PCSK2: variants seen among roughly 807,000 people sequenced by gnomAD.
The protein encoded by PCSK2 is neuroendocrine convertase 2.
Under a neutral mutation model 69.7 loss-of-function variants are expected in PCSK2, and 14 were observed. The observed-to-expected ratio is 0.20, with a 90% CI of 0.13 to 0.31. PCSK2 has a LOEUF of 0.31. Among genes scored for constraint, PCSK2 ranks in the 10% least tolerant of loss-of-function variants. The probability of loss-of-function intolerance (pLI) is 1.00; values close to 1 mark genes in which losing one functional copy is unlikely to be tolerated. For missense variants in PCSK2, 544 were observed against 842.5 expected (o/e 0.65, Z 4.39); for synonymous variants, 307 against 320.7 (o/e 0.96, Z 0.46).
chr20:17,284,151 G>C (rs1053606892), intron 2 of PCSK2, among the ~76,000 whole-genome samples: 4 of 152,164 alleles, frequency 2.6e-5, no homozygotes, highest in Non-Finnish European at 4.4e-5. Context: ...GTGTGAGATG[G>C]CCCAGAAAGG....
intron 10 of PCSK2, among the ~76,000 whole-genome samples, chr20:17,460,408 A>G (rs1488061037): frequency 6.6e-6 from 1 of 152,184 alleles, no homozygotes; most frequent in African/African-American, 2.4e-5. Flanking sequence ...CCACACTTCA[A>G]GGGAGGCTGG....
At chr20:17,319,418 C>G (rs1015771504) in intron 2 of PCSK2, among the ~76,000 whole-genome samples, 3 of 152,160 alleles carry the variant, frequency 2.0e-5, no homozygotes, top group Non-Finnish European at 2.9e-5. Context: ...CGGCCTCACT[C>G]ACATTTCTGG....
At chr20:17,238,549 CT>C (rs1328611411) in intron 1 of PCSK2, among the ~76,000 whole-genome samples, 2 of 152,202 alleles carry the variant, frequency 1.3e-5, no homozygotes, top group East Asian at 3.9e-4. Context: ...GCATTTGAGC[CT>C]TGTTGCTCAT....
intron 1 of PCSK2, among the ~76,000 whole-genome samples, chr20:17,259,739 C>T (rs1391611762): frequency 6.6e-6 from 1 of 152,160 alleles, no homozygotes; most frequent in Non-Finnish European, 1.5e-5. Context: ...ACACTGTGCT[C>T]AGCCTGATAA....
intron 5 of PCSK2, among the ~76,000 whole-genome samples, chr20:17,406,060 A>C (rs2031743823): frequency 6.6e-6 from 1 of 152,244 alleles, no homozygotes; most frequent in South Asian, 2.1e-4. Flanking sequence ...AGAAGTCCAA[A>C]CAAAGCAAGC....
At chr20:17,471,988 T>G (rs1457227238) in intron 11 of PCSK2, among the ~76,000 whole-genome samples, 1 of 152,074 alleles carries the variant, frequency 6.6e-6, no homozygotes, top group Non-Finnish European at 1.5e-5. Context: ...GGAGATGGAG[T>G]CAATTTGAAA....
At position 17,290,357 on chromosome 20, in the gene PCSK2, A is replaced by G. The variant is rs183500447; in HGVS notation, c.282+30013A>G. Among the ~76,000 whole-genome samples the G allele has an allele frequency of 1.4e-3, 207 of 152,166 alleles. 2 individuals carry two copies. The highest frequency in any genetic ancestry group is 4.8e-3 in the African/African-American group (200 of 41,496). ...CATTTTGTCATAAGAATATCAGCCC[A>G]TTTTCTACCATTCATATGGAAAATG... On this transcript the variant is annotated intron_variant, in intron 2 of 11. Coordinates refer to ENST00000262545, the MANE Select transcript of PCSK2 (RefSeq NM_002594.5).
chr20:17,384,425 CAAAAAAA>C lies in PCSK2; in HGVS notation c.543+15162_543+15168del, dbSNP rs11478291. Among the ~76,000 whole-genome samples, 618 of 106,518 alleles carry C rather than the reference CAAAAAAA, an allele frequency of 5.8e-3. 3 individuals carry two copies. The highest frequency in any genetic ancestry group is 0.021 in the African/African-American group (536 of 26,002). 69.9% of individuals were successfully genotyped at this position (106,518 alleles called of 152,430 possible). On this transcript the variant is annotated intron_variant, in intron 5 of 11. Transcript: ENST00000262545. ...CAACACAGCGAAGCTCCATATCTACCAAAAAAAAAAAAAAAAAAAATACAAAATTAGC... is the reference window on the plus strand; with the variant it reads ...CAACACAGCGAAGCTCCATATCTACCAAAAAAAAAAAAATACAAAATTAGC...
chr20:17,241,859 T>G (rs967568962), intron 1 of PCSK2, among the ~76,000 whole-genome samples: 12 of 152,244 alleles, frequency 7.9e-5, no homozygotes, highest in African/African-American at 2.9e-4. Flanking sequence ...GCTCACCTAA[T>G]AGGCACATTA....
intron 5 of PCSK2, among the ~76,000 whole-genome samples, chr20:17,393,150 A>G (rs1263962596): frequency 1.3e-5 from 2 of 152,146 alleles, no homozygotes; most frequent in East Asian, 3.9e-4. Context: ...GAATCAGATA[A>G]GGACTCATGC....
At chr20:17,396,163 C>T (rs919322832) in intron 5 of PCSK2, among the ~76,000 whole-genome samples, 2 of 152,222 alleles carry the variant, frequency 1.3e-5, no homozygotes, top group Non-Finnish European at 2.9e-5. Context: ...CTGGCTGCTA[C>T]ATTATCTTCT....
intron 1 of PCSK2, among the ~76,000 whole-genome samples, chr20:17,245,878 C>T (rs1986752427): frequency 6.6e-6 from 1 of 152,140 alleles, no homozygotes; most frequent in Admixed American, 6.6e-5. Flanking sequence ...CCACAATCCT[C>T]ACCACTTTCT....
At chr20:17,262,390 G>T (rs1987422911) in intron 2 of PCSK2, among the ~76,000 whole-genome samples, 1 of 151,968 alleles carries the variant, frequency 6.6e-6, no homozygotes, top group Non-Finnish European at 1.5e-5. Flanking sequence ...AAGGTTAAAT[G>T]CTGGGGATGT....
intron 11 of PCSK2, among the ~76,000 whole-genome samples, chr20:17,476,141 T>G (rs1202651069): frequency 6.6e-6 from 1 of 152,128 alleles, no homozygotes; most frequent in African/African-American, 2.4e-5. Context: ...TCCAGAGAGG[T>G]GGCCAGAAAA....
chr20:17,391,025 A>G (rs190553155), intron 5 of PCSK2, among the ~76,000 whole-genome samples: 23 of 152,340 alleles, frequency 1.5e-4, no homozygotes, highest in Non-Finnish European at 1.5e-5. Flanking sequence ...GGTTTCCCCT[A>G]AAGTTTTGCT....
rs1234460016 is a variant in PCSK2, at chr20:17,272,016, C to T, written c.282+11672C>T. On this transcript the variant is annotated intron_variant, in intron 2 of 11. Coordinates refer to ENST00000262545, the MANE Select transcript of PCSK2 (RefSeq NM_002594.5). ...GAATTCCAAAGCTACTTCCTTGTAG[C>T]GTTGGTTCATAATCCACATTCTCCT... 3.9e-5 allele frequency among the ~76,000 whole-genome samples: 6 copies of T among 152,258 alleles called. No individual in the cohort carries two copies. The East Asian group carries it at 7.7e-4, about 20-fold the overall frequency.
At chr20:17,260,796 C>A (rs1215724723) in intron 2 of PCSK2, among the ~76,000 whole-genome samples, 1 of 152,278 alleles carries the variant, frequency 6.6e-6, no homozygotes, top group African/African-American at 2.4e-5. Flanking sequence ...CAGCTCACAG[C>A]AGGCAGTGGA....
rs79127127 is a variant in PCSK2 at position 17,263,026 on chromosome 20, G to C, written c.282+2682G>C. ...ACAGGCTTGTGGTAAGGAACACAAA[G>C]CCCAGGGAGGGTGGTCTGAGCTGCT... On this transcript the variant is annotated intron_variant, in intron 2 of 11. Transcript: ENST00000262545. The C allele has an allele frequency of 6.7e-3, 2,044 of 304,214 alleles. 35 individuals carry two copies. The highest frequency in any genetic ancestry group is 0.043 in the African/African-American group (1,900 of 44,144). 18.8% of individuals were successfully genotyped at this position (304,214 alleles called of 1,614,324 possible). A position where few individuals can be genotyped will look rare whatever the true frequency, so the allele number is the denominator to read the frequency against.
chr20:17,386,111 A>T (rs550857084), intron 5 of PCSK2, among the ~76,000 whole-genome samples: 1 of 152,344 alleles, frequency 6.6e-6, no homozygotes, highest in Admixed American at 6.5e-5. Flanking sequence ...GTCTCCAATC[A>T]CACATCCCTA....
Sources: allele counts gnomAD v4.1 joint callset (sites outside exome capture counted in the v4.1 genomes callset), GRCh38; gene constraint gnomAD v4.1.1; transcripts MANE v1.5; gene names NCBI Gene and HGNC (gene_info 2026-07-23, HGNC 2026-07-21).